TMEM132B: variants seen among roughly 807,000 people sequenced by gnomAD.
The protein encoded by TMEM132B is transmembrane protein 132B.
A neutral mutation model predicts 90.8 loss-of-function variants in TMEM132B; 18 were observed. The ratio of observed to expected loss-of-function variants is 0.20; its 90% CI spans 0.14 to 0.29. TMEM132B has a LOEUF of 0.29. Ranked by LOEUF, TMEM132B falls within the 10% of genes least tolerant of loss-of-function variation. The pLI, the probability that TMEM132B is intolerant of heterozygous loss-of-function variation, is 1.00. For missense variants in TMEM132B, 1,096 were observed against 1,326.8 expected (o/e 0.83, Z 2.70); for synonymous variants, 504 against 523.3 (o/e 0.96, Z 0.50).
At chr12:125,348,948 T>C (rs1877459003) in intron 1 of TMEM132B, among the ~76,000 whole-genome samples, 1 of 152,236 alleles carries the variant, frequency 6.6e-6, no homozygotes, top group Admixed American at 6.5e-5. Context: ...GAGCGGTAGC[T>C]TCACTCTCTT....
At chr12:125,579,200 A>T (rs192993309) in intron 4 of TMEM132B, among the ~76,000 whole-genome samples, 167 of 151,898 alleles carry the variant, frequency 1.1e-3, no homozygotes, top group African/African-American at 3.8e-3. Context: ...ATATTCACTG[A>T]TTCTTTTTTT....
intron 4 of TMEM132B, among the ~76,000 whole-genome samples, chr12:125,522,410 G>C (rs147927203): frequency 6.6e-6 from 1 of 152,208 alleles, no homozygotes; most frequent in Non-Finnish European, 1.5e-5. Context: ...ACTCTAAAGA[G>C]TATAGGAATG....
chr12:125,234,518 G>T lies in TMEM132B; in HGVS notation c.67+47652G>T, dbSNP rs1321115478. Among the ~76,000 whole-genome samples the T allele has an allele frequency of 2.0e-5, 3 of 152,206 alleles. No homozygotes were observed. In the East Asian group the frequency reaches 5.8e-4, roughly 29 times the overall value. On this transcript the variant is annotated intron_variant, in intron 1 of 8. Coordinates refer to ENST00000682704, the MANE Select transcript of TMEM132B (RefSeq NM_001366854.1). Reference sequence around the variant, plus strand: ...GCCTGTTAGAAATGTACATTCTCGGGCCCCACCTGCCGAGTCAAGTGGGGC... The same window carrying T: ...GCCTGTTAGAAATGTACATTCTCGGTCCCCACCTGCCGAGTCAAGTGGGGC...
At position 125,519,558 on chromosome 12, in the gene TMEM132B, G is replaced by A; in HGVS notation, c.1226G>A (p.Ser409Asn). Reference sequence around the variant, plus strand: ...GAGTACCCGATTGAGGACTCCATGAGTGAGCTGGTCGTCTCCGAGATCTTC... The same window carrying A: ...GAGTACCCGATTGAGGACTCCATGAATGAGCTGGTCGTCTCCGAGATCTTC... ...QVEYPIEDSM[S>N]ELVVSEIFVS... is the part of the protein sequence containing the mutation. Residue 409 changes from serine to asparagine, a missense_variant, in exon 4 of 9, where the codon AGT (serine) becomes AAT (asparagine). Transcript: ENST00000682704. 1.2e-6 allele frequency: 2 copies of A among 1,614,154 alleles called. No homozygotes were observed. Among genetic ancestry groups the A allele is most frequent in the South Asian group, 2.2e-5 (2 of 91,072 alleles).
chr12:125,477,203 A>AAT (rs1015515487), intron 3 of TMEM132B, among the ~76,000 whole-genome samples: 26 of 151,742 alleles, frequency 1.7e-4, no homozygotes, highest in African/African-American at 2.4e-4. Context: ...ATCAAATGTG[A>AAT]ATATATATAT....
chr12:125,241,365 C>T (rs1874063483), intron 1 of TMEM132B, among the ~76,000 whole-genome samples: 1 of 152,170 alleles, frequency 6.6e-6, no homozygotes, highest in Admixed American at 6.5e-5. Context: ...CCTGCTGACA[C>T]ACATAGGTTT....
rs1879981397 is a variant in TMEM132B, at chr12:125,415,424, T to C, written c.960-107T>C. ...CACATCTCCCAGAGGAAGGGGGCGATGTTACAGATGCTTTCCCAGTGATCT... is the reference window on the plus strand; with the variant it reads ...CACATCTCCCAGAGGAAGGGGGCGACGTTACAGATGCTTTCCCAGTGATCT... On this transcript the variant is annotated intron_variant, in intron 2 of 8. Coordinates refer to ENST00000682704, the MANE Select transcript of TMEM132B (RefSeq NM_001366854.1). This position sits in a 1 kb window ranked among gnomAD's most constrained non-coding sequence, Gnocchi z 5.3. 31 of 1,347,184 alleles carry C rather than the reference T, an allele frequency of 2.3e-5. No homozygotes were observed. The highest frequency in any genetic ancestry group is 3.1e-5 in the Non-Finnish European group (31 of 998,126). 83.5% of individuals were successfully genotyped at this position (1,347,184 alleles called of 1,614,324 possible).
At chr12:125,231,184 C>T (rs1873812743) in intron 1 of TMEM132B, among the ~76,000 whole-genome samples, 1 of 151,790 alleles carries the variant, frequency 6.6e-6, no homozygotes, top group African/African-American at 2.4e-5. Flanking sequence ...CTGTCTCTGC[C>T]TCTGTCTTCA....
chr12:125,287,822 A>T (rs1222638195), intron 1 of TMEM132B, among the ~76,000 whole-genome samples: 2 of 152,046 alleles, frequency 1.3e-5, no homozygotes, highest in African/African-American at 4.8e-5. Flanking sequence ...TTTTCACATT[A>T]TTCTATACCT....
At chr12:125,392,795 G>A (rs1432544707) in intron 2 of TMEM132B, among the ~76,000 whole-genome samples, 2 of 152,196 alleles carry the variant, frequency 1.3e-5, no homozygotes, top group Non-Finnish European at 1.5e-5. Context: ...TTTCTCCGTC[G>A]CAGTGTCGCA....
intron 1 of TMEM132B, among the ~76,000 whole-genome samples, chr12:125,263,951 T>C (rs1191036669): frequency 6.6e-6 from 1 of 152,240 alleles, no homozygotes; most frequent in Non-Finnish European, 1.5e-5. Context: ...CTATTGCTCC[T>C]GTAACACATT....
intron 2 of TMEM132B, among the ~76,000 whole-genome samples, chr12:125,414,430 C>T (rs1263221475): frequency 6.6e-6 from 1 of 151,982 alleles, no homozygotes; most frequent in African/African-American, 2.4e-5. Context: ...GCATAATGCA[C>T]CTGTCTTTGC....
chr12:125,244,855 C>T (rs1230142318), intron 1 of TMEM132B, among the ~76,000 whole-genome samples: 2 of 152,200 alleles, frequency 1.3e-5, no homozygotes, highest in Non-Finnish European at 2.9e-5. Flanking sequence ...CTGAAAGAAG[C>T]ATGGTGGAGT....
intron 1 of TMEM132B, among the ~76,000 whole-genome samples, chr12:125,346,849 A>G (rs952978283): frequency 6.6e-6 from 1 of 152,266 alleles, no homozygotes; most frequent in Non-Finnish European, 1.5e-5. Context: ...GTCGTTTTCA[A>G]TTAACATATT....
At chr12:125,582,772 T>A (rs1418097231) in intron 4 of TMEM132B, among the ~76,000 whole-genome samples, 1 of 152,188 alleles carries the variant, frequency 6.6e-6, no homozygotes, top group African/African-American at 2.4e-5. Context: ...CATTGATTGA[T>A]TTATTAAATT....
At chr12:125,212,681 C>T (rs577141066) in intron 1 of TMEM132B, among the ~76,000 whole-genome samples, 5 of 152,016 alleles carry the variant, frequency 3.3e-5, no homozygotes, top group South Asian at 2.1e-4. Flanking sequence ...GCGACAAGAG[C>T]GAAACTCCGT....
At chr12:125,430,549 A>T (rs932551278) in intron 3 of TMEM132B, among the ~76,000 whole-genome samples, 18 of 152,272 alleles carry the variant, frequency 1.2e-4, no homozygotes, top group South Asian at 8.3e-4. Flanking sequence ...CTCCCAGGGA[A>T]GGTGGAGCTG....
intron 4 of TMEM132B, among the ~76,000 whole-genome samples, chr12:125,570,270 C>G (rs1365272445): frequency 6.6e-6 from 1 of 152,184 alleles, no homozygotes; most frequent in Non-Finnish European, 1.5e-5. Flanking sequence ...GTTGTTTCAG[C>G]AGTGGAGGAA....
chr12:125,270,148 G>GTGTGTGTGTGTT (rs1219870474), intron 1 of TMEM132B, among the ~76,000 whole-genome samples: 1 of 142,688 alleles, frequency 7.0e-6, no homozygotes, highest in Non-Finnish European at 1.5e-5. Flanking sequence ...GTGTGTGTGT[G>GTGTGTGTGTGTT]TTTTAAGAGA....
Sources: allele counts gnomAD v4.1 joint callset (sites outside exome capture counted in the v4.1 genomes callset), GRCh38; gene constraint gnomAD v4.1.1; non-coding constraint Gnocchi (gnomAD v3.1); transcripts MANE v1.5; gene names NCBI Gene and HGNC (gene_info 2026-07-23, HGNC 2026-07-21).